Variants in BMI1 observed in about 807,000 individuals in gnomAD.
BMI1 encodes the protein polycomb complex protein BMI-1.
BMI1 carries 9 observed loss-of-function variants against 39.1 expected under a neutral mutation model. The ratio of observed to expected loss-of-function variants is 0.23; its 90% CI spans 0.14 to 0.40. The LOEUF is 0.40. Ranked by LOEUF, BMI1 falls within the 10% of genes least tolerant of loss-of-function variation. BMI1 has a pLI of 1.00. For missense variants in BMI1, 252 were observed against 390.8 expected, an observed-to-expected ratio of 0.64 and a Z score of 2.99; for synonymous variants, 131 against 127.9, an observed-to-expected ratio of 1.02 and a Z score of -0.16.
chr10:22,329,344 A>C lies in BMI1; in HGVS notation c.783A>C (p.Pro261=). Residue 261 remains proline, a synonymous_variant, in exon 10 of 10, where the codon CCA becomes CCC. Coordinates refer to ENST00000376663, the MANE Select transcript of BMI1 (RefSeq NM_005180.9). ...SDSGSDKANS[P]AGGIPSTSSC... ...CTGGGAGTGACAAGGCCAACAGCCC[A>C]GCAGGAGGTATTCCCTCCACCTCTT... is the stretch of plus-strand genomic sequence containing the variant. 1 of 1,614,222 alleles carries C rather than the reference A, an allele frequency of 6.2e-7. No individual in the cohort carries two copies. The highest frequency in any genetic ancestry group is 8.5e-7 in the Non-Finnish European group (1 of 1,180,032).
chr10:22,329,666 C>A lies in BMI1; in HGVS notation c.*124C>A. Reference sequence around the variant, plus strand: ...TCCAATTTGCTTTCTTTTGTAGTGACATTAAATTTGGCTATAAAAGATGGA... The same window carrying A: ...TCCAATTTGCTTTCTTTTGTAGTGAAATTAAATTTGGCTATAAAAGATGGA... On this transcript the variant is annotated 3_prime_UTR_variant, in exon 10 of 10. Transcript: ENST00000376663. 1 of 1,199,080 alleles carries A rather than the reference C, an allele frequency of 8.3e-7. No homozygotes were observed. Among genetic ancestry groups the A allele is most frequent in the Non-Finnish European group, 1.1e-6 (1 of 878,328 alleles). 74.3% of individuals were successfully genotyped at this position (1,199,080 alleles called of 1,614,324 possible). A position where few individuals can be genotyped will look rare whatever the true frequency, so the allele number is the denominator to read the frequency against.
intron 1 of BMI1, among the ~76,000 whole-genome samples, chr10:22,325,218 A>G (rs1417972630): frequency 2.0e-5 from 3 of 152,220 alleles, no homozygotes; most frequent in African/African-American, 7.2e-5. Flanking sequence ...AGGAAGTTTT[A>G]AAGAGGTTCG....
At chr10:22,328,489 C>A in intron 7 of BMI1, 111 bp from the exon 8 acceptor site, 1 of 1,092,488 alleles carries the variant, frequency 9.2e-7, no homozygotes, top group Non-Finnish European at 1.3e-6. Context: ...AGAGGTTGGT[C>A]ACCTCCAATT....
chr10:22,327,248 ATTGCT>A (rs1301453123), intron 3 of BMI1, among the ~76,000 whole-genome samples: 1 of 151,928 alleles, frequency 6.6e-6, no homozygotes, highest in Non-Finnish European at 1.5e-5. Flanking sequence ...CCTTTTTTGC[ATTGCT>A]TTATGGACTT....
At chr10:22,321,983 G>C (rs1407462989) in intron 1 of BMI1, 1 of 145,242 alleles carries the variant, frequency 6.9e-6, no homozygotes, top group African/African-American at 2.5e-5. Context: ...GCCGCCGCCA[G>C]CAGGGCTCGG....
chr10:22,329,225 C>T lies in BMI1; in HGVS notation c.664C>T (p.Pro222Ser). The change falls in exon 10 of 10, where the codon CCA becomes TCA. Residue 222 changes from proline to serine, a missense_variant. Coordinates refer to ENST00000376663, the MANE Select transcript of BMI1 (RefSeq NM_005180.9). ...IYTWRRNGPL[P>S]LKYRVRPTCK... is the part of the protein sequence containing the mutation. ...TTTAACTTTGTAGAATGGTCCACTT[C>T]CATTGAAATACAGAGTTCGACCTAC... 6.2e-7 allele frequency: 1 copy of T among 1,613,712 alleles called. No individual in the cohort carries two copies. The highest frequency in any genetic ancestry group is 8.5e-7 in the Non-Finnish European group (1 of 1,179,724).
intron 2 of BMI1, 124 bp from the exon 3 acceptor site, chr10:22,326,766 A>G: frequency 7.4e-7 from 1 of 1,356,198 alleles, no homozygotes; most frequent in Non-Finnish European, 1.0e-6. Flanking sequence ...TCAGGATATG[A>G]ATTAGCTTAT....
Position 22,326,393 on chromosome 10 carries a change from G to A in BMI1, c.-19-38G>A, listed in dbSNP as rs79786472. ...TGATTACTAGATGATCTCCATTCTT[G>A]TTCTGTGAATTATGGCCATTATTTC... On this transcript the variant is annotated intron_variant, in intron 1 of 9. Coordinates refer to ENST00000376663, the MANE Select transcript of BMI1 (RefSeq NM_005180.9). 2.5e-3 allele frequency: 3,979 copies of A among 1,605,200 alleles called. 52 individuals carry two copies. The African/African-American group carries it at 0.033, about 13-fold the overall frequency.
At chr10:22,328,560 A>C in intron 7 of BMI1, 40 bp from the exon 8 acceptor site, 2 of 1,568,756 alleles carry the variant, frequency 1.3e-6, no homozygotes. Context: ...TTCATATCTT[A>C]AAGTAACTGA....
At chr10:22,324,065 A>AG (rs1836073307) in intron 1 of BMI1, among the ~76,000 whole-genome samples, 1 of 152,256 alleles carries the variant, frequency 6.6e-6, no homozygotes, top group African/African-American at 2.4e-5. Flanking sequence ...CTTTTGGTCA[A>AG]GTACATGTGA....
At chr10:22,321,964 C>G (rs914116340) in intron 1 of BMI1, 2 of 145,202 alleles carry the variant, frequency 1.4e-5, no homozygotes, top group African/African-American at 4.9e-5. Context: ...CCGCAGCCCG[C>G]GCCGCGCCGC....
chr10:22,326,086 C>G (rs565864015), intron 1 of BMI1: 1 of 173,084 alleles, frequency 5.8e-6, no homozygotes, highest in African/African-American at 2.4e-5. Flanking sequence ...GGTAAATATC[C>G]GCGGGGATTG....
At position 22,327,952 on chromosome 10, in the gene BMI1, G is replaced by T. The variant is rs1290608620; in HGVS notation, c.319G>T (p.Ala107Ser). The T allele has an allele frequency of 1.9e-6, 3 of 1,596,488 alleles. No homozygotes were observed. The highest frequency in any genetic ancestry group is 2.6e-6 in the Non-Finnish European group (3 of 1,175,390). Residue 107 changes from alanine to serine, a missense_variant and splice_region_variant, in exon 6 of 10, where the codon GCC becomes TCC. By Grantham distance (99) the Ala-to-Ser change is moderately conservative. Coordinates refer to ENST00000376663, the MANE Select transcript of BMI1 (RefSeq NM_005180.9). ...TACATTTCACTATATCGTTATAGCT[G>T]CCAATGGCTCTAATGAAGATAGAGG... ...FYAAHPSADA[A>S]NGSNEDRGEV...
intron 1 of BMI1, among the ~76,000 whole-genome samples, chr10:22,325,501 T>C (rs11012946): frequency 0.044 from 6,598 of 151,548 alleles, 508 homozygotes; most frequent in African/African-American, 0.15. Flanking sequence ...ACTGGGTCCC[T>C]GGTCCCCGAT....
rs1588621496 is a variant in BMI1 at position 22,328,906 on chromosome 10, T to C, written c.571-142T>C. 3 of 1,037,830 alleles carry C rather than the reference T, an allele frequency of 2.9e-6. No individual in the cohort carries two copies. The East Asian group carries it at 8.0e-5, about 28-fold the overall frequency. The allele number at this position is 1,037,830 out of a possible 1,614,324, so 64.3% of individuals were successfully genotyped here. A position where few individuals can be genotyped will look rare whatever the true frequency, so the allele number is the denominator to read the frequency against. On this transcript the variant is annotated intron_variant, in intron 8 of 9. Transcript: ENST00000376663. ...AACACTCTCTAGAAATAATTTTTTC[T>C]CATTTGAAGTTTCAGGAGTCTTTCT...
Position 22,329,293 on chromosome 10 carries a change from A to G in BMI1, c.732A>G (p.Thr244=). Residue 244 remains threonine, a synonymous_variant, in exon 10 of 10, where the codon ACA becomes ACG. Coordinates refer to ENST00000376663, the MANE Select transcript of BMI1 (RefSeq NM_005180.9). ...TCAGTCACCAGAGAGATGGACTGAC[A>G]AATGCTGGAGAACTGGAAAGTGACT... ...MKISHQRDGL[T]NAGELESDSG... is the part of the protein sequence containing the mutation. 6.2e-7 allele frequency: 1 copy of G among 1,614,232 alleles called. No individual in the cohort carries two copies. The highest frequency in any genetic ancestry group is 1.1e-5 in the South Asian group (1 of 91,088).
At position 22,330,815 on chromosome 10, in the gene BMI1, A is replaced by G. The variant is rs1055590251; in HGVS notation, c.*1273A>G. ...TATGAGCTTCTACAGGTATTTTTAA[A>G]TAGAGCAAGCATGTTGAATTTAAAA... On this transcript the variant is annotated 3_prime_UTR_variant, in exon 10 of 10. Coordinates refer to ENST00000376663, the MANE Select transcript of BMI1 (RefSeq NM_005180.9). The G allele has an allele frequency of 1.2e-4, 19 of 152,612 alleles. No individual in the cohort carries two copies. Among genetic ancestry groups the G allele is most frequent in the Non-Finnish European group, 1.6e-4 (11 of 67,986 alleles). The allele number at this position is 152,612 out of a possible 1,614,324, so 9.5% of individuals were successfully genotyped here. A position where few individuals can be genotyped will look rare whatever the true frequency, so the allele number is the denominator to read the frequency against.
At chr10:22,322,199 C>T (rs1836023512) in intron 1 of BMI1, 1 of 152,070 alleles carries the variant, frequency 6.6e-6, no homozygotes, top group African/African-American at 2.4e-5. Flanking sequence ...GGGACGGGTT[C>T]CTGAAATCGG....
chr10:22,323,438 A>AT (rs1481613123), intron 1 of BMI1, among the ~76,000 whole-genome samples: 3 of 152,232 alleles, frequency 2.0e-5, no homozygotes, highest in Non-Finnish European at 2.9e-5. Context: ...AAAATTAAGC[A>AT]TTTAATTGTA....
Sources: gnomAD v4.1 joint callset for allele counts (sites outside exome capture counted in the v4.1 genomes callset) on GRCh38, gnomAD v4.1.1 for gene constraint, MANE v1.5 for transcripts, NCBI Gene and HGNC (gene_info 2026-07-23, HGNC 2026-07-21) for gene names.